Variants in DACH1 observed in about 807,000 individuals in gnomAD.
The protein encoded by DACH1 is dachshund homolog 1.
Under a neutral mutation model 54.2 loss-of-function variants are expected in DACH1, and 12 were observed. The observed-to-expected ratio is 0.22, with a 90% CI of 0.14 to 0.36. The LOEUF (loss-of-function observed/expected upper bound fraction) is 0.36. Ranked by LOEUF, DACH1 falls within the 10% of genes least tolerant of loss-of-function variation. The pLI, the probability that DACH1 is intolerant of heterozygous loss-of-function variation, is 1.00. For missense variants in DACH1, 805 were observed against 929.8 expected, an observed-to-expected ratio of 0.87 and a Z score of 1.75; for synonymous variants, 386 against 366.2, an observed-to-expected ratio of 1.05 and a Z score of -0.62.
chr13:71,686,351 A>G (rs1881160497), intron 1 of DACH1, among the ~76,000 whole-genome samples: 1 of 152,130 alleles, frequency 6.6e-6, no homozygotes, highest in Non-Finnish European at 1.5e-5. Flanking sequence ...CTAAATAAAA[A>G]GCTTTCCCAC....
At chr13:71,537,252 T>G (rs1882865394) in intron 6 of DACH1, among the ~76,000 whole-genome samples, 1 of 152,058 alleles carries the variant, frequency 6.6e-6, no homozygotes, top group Non-Finnish European at 1.5e-5. Flanking sequence ...ATGACTGCCT[T>G]TGCGTTATCA....
At chr13:71,454,525 C>T (rs1437700513) in intron 10 of DACH1, among the ~76,000 whole-genome samples, 3 of 152,234 alleles carry the variant, frequency 2.0e-5, no homozygotes, top group Non-Finnish European at 2.9e-5. Context: ...TGGGCACACT[C>T]TTCTTCCCCA....
chr13:71,691,722 A>G (rs1881485976), intron 1 of DACH1, among the ~76,000 whole-genome samples: 2 of 152,258 alleles, frequency 1.3e-5, no homozygotes, highest in Admixed American at 1.3e-4. Flanking sequence ...ACAAACATTA[A>G]TTGAACATGT....
intron 10 of DACH1, among the ~76,000 whole-genome samples, chr13:71,473,687 A>G (rs371506478): frequency 2.6e-5 from 4 of 152,172 alleles, no homozygotes; most frequent in South Asian, 4.2e-4. Context: ...TATTGTTTCA[A>G]TTTTTTCTAG....
At chr13:71,633,659 T>C (rs1877268033) in intron 2 of DACH1, among the ~76,000 whole-genome samples, 1 of 152,066 alleles carries the variant, frequency 6.6e-6, no homozygotes, top group Admixed American at 6.6e-5. Flanking sequence ...ACTACAACAC[T>C]TTTTAATATT....
At chr13:71,455,289 TAG>T (rs1312363243) in intron 10 of DACH1, among the ~76,000 whole-genome samples, 1 of 152,054 alleles carries the variant, frequency 6.6e-6, no homozygotes, top group Non-Finnish European at 1.5e-5. Flanking sequence ...TCTCCATATA[TAG>T]AGATAGATAG....
chr13:71,500,084 T>C (rs1879785499), intron 6 of DACH1, among the ~76,000 whole-genome samples: 1 of 152,146 alleles, frequency 6.6e-6, no homozygotes. Flanking sequence ...GGAGTTACTC[T>C]AATTTCATGG....
chr13:71,529,750 G>A (rs1882289276), intron 6 of DACH1, among the ~76,000 whole-genome samples: 1 of 152,110 alleles, frequency 6.6e-6, no homozygotes. Context: ...CATTAATCAA[G>A]ATGATAAAGT....
intron 6 of DACH1, among the ~76,000 whole-genome samples, chr13:71,506,950 A>C (rs540343670): frequency 6.6e-6 from 1 of 151,384 alleles, no homozygotes; most frequent in African/African-American, 2.4e-5. Context: ...AACCATAAAA[A>C]CCCTAGAAGA....
rs1874860636 is a variant in DACH1, at chr13:71,866,863, A to T, written c.-94T>A. 2.2e-6 allele frequency: 2 copies of T among 890,388 alleles called. No individual in the cohort carries two copies. Among genetic ancestry groups the T allele is most frequent in the Non-Finnish European group, 2.8e-6 (2 of 705,060 alleles). 55.2% of individuals were successfully genotyped at this position (890,388 alleles called of 1,614,324 possible). On this transcript the variant is annotated 5_prime_UTR_variant, in exon 1 of 11. Coordinates refer to ENST00000613252, the MANE Select transcript of DACH1 (RefSeq NM_080759.6). ...GAAGGGGAAAAAAGGGGGGAGAAGG[A>T]GCGAGGGGGGCAACAACAACTCCGG...
chr13:71,831,499 G>C (rs1461243901), intron 1 of DACH1, among the ~76,000 whole-genome samples: 1 of 151,718 alleles, frequency 6.6e-6, no homozygotes, highest in African/African-American at 2.4e-5. Context: ...TCTAAAATGA[G>C]TCCTAACATA....
At chr13:71,562,158 C>T (rs544261704) in intron 4 of DACH1, among the ~76,000 whole-genome samples, 1 of 152,050 alleles carries the variant, frequency 6.6e-6, no homozygotes, top group Admixed American at 6.6e-5. Flanking sequence ...ACAATAAACT[C>T]CCACAGAAGG....
intron 2 of DACH1, among the ~76,000 whole-genome samples, chr13:71,639,849 T>C (rs1877762312): frequency 6.6e-6 from 1 of 152,038 alleles, no homozygotes; most frequent in Admixed American, 6.6e-5. Flanking sequence ...GTTACCTAAT[T>C]TATAAAAAGT....
chr13:71,850,548 CA>C (rs1196964144), intron 1 of DACH1, among the ~76,000 whole-genome samples: 1 of 152,088 alleles, frequency 6.6e-6, no homozygotes, highest in African/African-American at 2.4e-5. Flanking sequence ...CTCCGACGTG[CA>C]AGTATAAAGT....
At chr13:71,778,693 T>C (rs186864212) in intron 1 of DACH1, among the ~76,000 whole-genome samples, 73 of 152,262 alleles carry the variant, frequency 4.8e-4, no homozygotes, top group Non-Finnish European at 8.1e-4. Flanking sequence ...GTTTTAAGCA[T>C]AGCTCTTGAA....
intron 6 of DACH1, among the ~76,000 whole-genome samples, chr13:71,497,859 G>GAC (rs6145114): frequency 3.7e-4 from 54 of 146,410 alleles, no homozygotes; most frequent in Middle Eastern, 3.5e-3. Context: ...AATATGTGTT[G>GAC]ACACACACAC....
rs112908345 is a variant in DACH1, at chr13:71,617,309, A to C, written c.1126+13247T>G. Among the ~76,000 whole-genome samples, 32 of 152,278 alleles carry C rather than the reference A, an allele frequency of 2.1e-4. 1 individual carries two copies. The highest frequency in any genetic ancestry group is 7.5e-4 in the African/African-American group (31 of 41,552). On this transcript the variant is annotated intron_variant, in intron 3 of 10. Coordinates refer to ENST00000613252, the MANE Select transcript of DACH1 (RefSeq NM_080759.6). ...GTCTACTGTATTACCTGTTTTTATC[A>C]ATTTATTTCTTTTTTATTAATTGTT...
intron 10 of DACH1, among the ~76,000 whole-genome samples, chr13:71,472,765 C>T (rs1416797006): frequency 6.6e-6 from 1 of 152,148 alleles, no homozygotes; most frequent in Non-Finnish European, 1.5e-5. Context: ...ATGACATAGA[C>T]CGTTTCACAA....
In DACH1 at chr13:71,739,108, C is replaced by T. The variant is rs112694913; in HGVS notation, c.849-57198G>A. On this transcript the variant is annotated intron_variant, in intron 1 of 10. Transcript: ENST00000613252. Reference sequence around the variant, plus strand: ...TCTCTGCTAAAAATACAAAAATTAGCTGCCGTAGTGGTGAATGCCTGTAAT... The same window carrying T: ...TCTCTGCTAAAAATACAAAAATTAGTTGCCGTAGTGGTGAATGCCTGTAAT... Among the ~76,000 whole-genome samples the T allele has an allele frequency of 4.6e-5, 7 of 152,084 alleles. 1 individual carries two copies. The highest frequency in any genetic ancestry group is 1.7e-4 in the African/African-American group (7 of 41,500).
Sources: allele counts gnomAD v4.1 joint callset (sites outside exome capture counted in the v4.1 genomes callset), GRCh38; gene constraint gnomAD v4.1.1; transcripts MANE v1.5; gene names NCBI Gene and HGNC (gene_info 2026-07-23, HGNC 2026-07-21).